The following MSRA variants were observed in gnomAD, a reference collection of about 807,000 sequenced individuals.
MSRA encodes the protein mitochondrial peptide methionine sulfoxide reductase.
In MSRA, 54 loss-of-function variants were observed where a neutral mutation model predicts 31.3. The ratio of observed to expected loss-of-function variants is 1.73; its 90% CI spans 1.39 to 2.17. The LOEUF is 2.17. Ranked by LOEUF, MSRA falls within the 30% of genes most tolerant of loss-of-function variation. MSRA has a pLI of 0.00. For missense variants in MSRA, 507 were observed against 300.9 expected (o/e 1.69, Z -5.07); for synonymous variants, 169 against 116.5 (o/e 1.45, Z -2.90).
chr8:10,155,796 G>C (rs985365630), intron 1 of MSRA, among the ~76,000 whole-genome samples: 1 of 152,080 alleles, frequency 6.6e-6, no homozygotes, highest in Non-Finnish European at 1.5e-5. Context: ...AGTTGGGCTG[G>C]AGCAGGGAGG....
chr8:10,085,766 C>T (rs1418636960), intron 1 of MSRA, among the ~76,000 whole-genome samples: 1 of 152,216 alleles, frequency 6.6e-6, no homozygotes, highest in African/African-American at 2.4e-5. Flanking sequence ...CACCTGCCTC[C>T]AGCTAACAAT....
At chr8:10,071,458 CT>C (rs77512999) in intron 1 of MSRA, among the ~76,000 whole-genome samples, 43,161 of 128,924 alleles carry the variant, frequency 0.33, 5,754 homozygotes, top group East Asian at 0.68. Context: ...TTTTAATTTT[CT>C]TTTTTTTTTT....
At chr8:10,414,846 T>A (rs1808361211) in intron 5 of MSRA, among the ~76,000 whole-genome samples, 1 of 152,184 alleles carries the variant, frequency 6.6e-6, no homozygotes, top group Admixed American at 6.5e-5. Context: ...TGTAGTTAAT[T>A]GATTGCAGAT....
chr8:10,111,878 C>T lies in MSRA; in HGVS notation c.142+57220C>T, dbSNP rs542042372. Among the ~76,000 whole-genome samples, 15 of 152,236 alleles carry T rather than the reference C, an allele frequency of 9.9e-5. No individual in the cohort carries two copies. In the South Asian group the frequency reaches 1.0e-3, roughly 11 times the overall value. The stretch of plus-strand genomic sequence containing the variant: ...TGTGAGGCTTACATTCTGTCATTAA[C>T]GGAGGAGGATGGTGACACTCAAGTG... On this transcript the variant is annotated intron_variant, in intron 1 of 5. Coordinates refer to ENST00000317173, the MANE Select transcript of MSRA (RefSeq NM_012331.5).
At chr8:10,395,929 T>G (rs1318204848) in intron 5 of MSRA, among the ~76,000 whole-genome samples, 1 of 152,234 alleles carries the variant, frequency 6.6e-6, no homozygotes, top group African/African-American at 2.4e-5. Context: ...GGTTCCAGTT[T>G]CTACCAATCT....
At chr8:10,309,675 A>G (rs1290427084) in intron 4 of MSRA, among the ~76,000 whole-genome samples, 1 of 152,162 alleles carries the variant, frequency 6.6e-6, no homozygotes, top group Non-Finnish European at 1.5e-5. Context: ...CCAGGGCCAC[A>G]CATCCTGGCC....
intron 1 of MSRA, among the ~76,000 whole-genome samples, chr8:10,056,852 T>G (rs1802401540): frequency 6.6e-6 from 1 of 152,214 alleles, no homozygotes; most frequent in South Asian, 2.1e-4. Flanking sequence ...TGTTCTTATT[T>G]GTACCCTGAC....
chr8:10,191,687 A>T (rs1807521171), intron 1 of MSRA, among the ~76,000 whole-genome samples: 1 of 152,136 alleles, frequency 6.6e-6, no homozygotes, highest in Admixed American at 6.5e-5. Context: ...GTCATGTTCT[A>T]GGGGTCGATT....
At chr8:10,080,013 A>G (rs1241555733) in intron 1 of MSRA, among the ~76,000 whole-genome samples, 2 of 152,120 alleles carry the variant, frequency 1.3e-5, no homozygotes, top group African/African-American at 4.8e-5. Context: ...TTCCCGTCAA[A>G]ATTAATCTCC....
At chr8:10,403,061 G>A (rs555483368) in intron 5 of MSRA, among the ~76,000 whole-genome samples, 1 of 152,272 alleles carries the variant, frequency 6.6e-6, no homozygotes, top group East Asian at 1.9e-4. Flanking sequence ...CACCTGTCTT[G>A]GCTCTGGTTT....
chr8:10,166,870 G>C (rs1403839568), intron 1 of MSRA, among the ~76,000 whole-genome samples: 4 of 152,244 alleles, frequency 2.6e-5, no homozygotes, highest in African/African-American at 7.2e-5. Flanking sequence ...CATCATCTGG[G>C]ACTGATGCCC....
At chr8:10,264,985 G>A (rs539503310) in intron 3 of MSRA, among the ~76,000 whole-genome samples, 1 of 152,300 alleles carries the variant, frequency 6.6e-6, no homozygotes, top group African/African-American at 2.4e-5. Context: ...TGGGGTCTTG[G>A]TGAGTCCTAA....
At chr8:10,093,905 T>A (rs1016726418) in intron 1 of MSRA, among the ~76,000 whole-genome samples, 1 of 152,228 alleles carries the variant, frequency 6.6e-6, no homozygotes, top group Non-Finnish European at 1.5e-5. Context: ...ACAGTTATTT[T>A]CCTTTCAGCT....
intron 2 of MSRA, among the ~76,000 whole-genome samples, chr8:10,231,044 C>T (rs924281954): frequency 6.6e-6 from 1 of 152,186 alleles, no homozygotes; most frequent in Non-Finnish European, 1.5e-5. Context: ...CCTTGGCCTC[C>T]CAAAGTGCTG....
chr8:10,393,147 C>G (rs1806869794), intron 5 of MSRA, among the ~76,000 whole-genome samples: 1 of 151,818 alleles, frequency 6.6e-6, no homozygotes, highest in Non-Finnish European at 1.5e-5. Flanking sequence ...CACTGCTGCT[C>G]CTTGAGCTTG....
chr8:10,296,041 C>T (rs551141619), intron 3 of MSRA, among the ~76,000 whole-genome samples: 5 of 152,242 alleles, frequency 3.3e-5, no homozygotes, highest in African/African-American at 7.2e-5. Flanking sequence ...ACTGGGTAAT[C>T]GCTTTGAGAA....
intron 1 of MSRA, among the ~76,000 whole-genome samples, chr8:10,116,350 A>C (rs914286984): frequency 6.6e-6 from 1 of 152,224 alleles, no homozygotes; most frequent in Non-Finnish European, 1.5e-5. Context: ...AGAAGCCCAA[A>C]GATTGGACAC....
chr8:10,415,919 G>C (rs543541445), intron 5 of MSRA, among the ~76,000 whole-genome samples: 2 of 152,148 alleles, frequency 1.3e-5, no homozygotes, highest in African/African-American at 2.4e-5. Flanking sequence ...TCAAAGGACT[G>C]TTTGCACCTC....
intron 3 of MSRA, 142 bp from the exon 4 acceptor site, chr8:10,301,392 T>A: frequency 1.6e-6 from 1 of 627,356 alleles, no homozygotes; most frequent in Non-Finnish European, 2.8e-6. Context: ...GAGAGACTCT[T>A]AGCTAAAGTC....
Sources: allele counts gnomAD v4.1 joint callset (sites outside exome capture counted in the v4.1 genomes callset), GRCh38; gene constraint gnomAD v4.1.1; transcripts MANE v1.5; gene names NCBI Gene and HGNC (gene_info 2026-07-23, HGNC 2026-07-21).